NUP98: variants seen among roughly 807,000 people sequenced by gnomAD.
The protein encoded by NUP98 is nucleoporin 98 and 96 precursor.
A neutral mutation model predicts 191.9 loss-of-function variants in NUP98; 26 were observed. The observed-to-expected ratio is 0.14, with a 90% CI of 0.10 to 0.19. NUP98 has a LOEUF of 0.19. NUP98 is among the 10% of genes least tolerant of loss of function. The pLI is 1.00. For missense variants in NUP98, 1,941 were observed against 2,178.8 expected, an observed-to-expected ratio of 0.89 and a Z score of 2.17; for synonymous variants, 808 against 778.4, an observed-to-expected ratio of 1.04 and a Z score of -0.63.
chr11:3,786,152 C>A (rs983817625), intron 1 of NUP98, among the ~76,000 whole-genome samples: 1 of 152,146 alleles, frequency 6.6e-6, no homozygotes, highest in African/African-American at 2.4e-5. Flanking sequence ...TATCGTTGAC[C>A]CCAGCGGCCA....
chr11:3,774,546 G>GAAACC (rs1228543764), intron 5 of NUP98, among the ~76,000 whole-genome samples: 4 of 152,064 alleles, frequency 2.6e-5, no homozygotes, highest in African/African-American at 9.7e-5. Flanking sequence ...CCAACATGGT[G>GAAACC]AAACCCCATC....
At chr11:3,753,816 G>A (rs144740892) in intron 10 of NUP98, among the ~76,000 whole-genome samples, 232 of 130,290 alleles carry the variant, frequency 1.8e-3, no homozygotes, top group African/African-American at 6.2e-3. Context: ...GTGCGTGCCT[G>A]TAATCCCAGC....
chr11:3,714,101 G>A, intron 18 of NUP98, 106 bp from the exon 19 acceptor site: 1 of 1,129,838 alleles, frequency 8.9e-7, no homozygotes, highest in Non-Finnish European at 1.3e-6. Flanking sequence ...TAACTATGCT[G>A]CCTTGGAATT....
intron 20 of NUP98, among the ~76,000 whole-genome samples, chr11:3,708,131 G>A (rs1423209140): frequency 3.3e-5 from 5 of 152,078 alleles, no homozygotes; most frequent in South Asian, 2.1e-4. Context: ...AGGCCAGGTC[G>A]TGAAGGCTTG....
At chr11:3,761,691 G>A (rs2081175340) in intron 9 of NUP98, among the ~76,000 whole-genome samples, 4 of 152,194 alleles carry the variant, frequency 2.6e-5, no homozygotes, top group Non-Finnish European at 5.9e-5. Flanking sequence ...CCGGGAGGCA[G>A]AGGTTGCAGT....
chr11:3,718,161 G>A (rs561861783), intron 18 of NUP98, among the ~76,000 whole-genome samples: 3 of 152,206 alleles, frequency 2.0e-5, no homozygotes, highest in South Asian at 2.1e-4. Context: ...TTCTTTAAAC[G>A]CTTAGTAGAA....
chr11:3,717,003 A>G (rs77992314), intron 18 of NUP98, among the ~76,000 whole-genome samples: 43 of 152,112 alleles, frequency 2.8e-4, no homozygotes, highest in African/African-American at 1.0e-3. Context: ...CATTTTAACA[A>G]TATTAAGTTT....
chr11:3,758,864 A>G (rs78782772), intron 10 of NUP98, among the ~76,000 whole-genome samples: 2,386 of 152,298 alleles, frequency 0.016, 64 homozygotes, highest in African/African-American at 0.054. Context: ...CACTGCCTCA[A>G]AACGGTTGTT....
At chr11:3,678,800 C>T (rs1384437704) in intron 31 of NUP98, among the ~76,000 whole-genome samples, 1 of 152,016 alleles carries the variant, frequency 6.6e-6, no homozygotes, top group Non-Finnish European at 1.5e-5. Context: ...GCAGTGGAGA[C>T]TCATTTTACG....
intron 8 of NUP98, among the ~76,000 whole-genome samples, chr11:3,767,204 G>A (rs1044067465): frequency 5.3e-5 from 8 of 151,478 alleles, no homozygotes; most frequent in Non-Finnish European, 7.4e-5. Context: ...CTCATGATCC[G>A]CCCACCTCAG....
At chr11:3,794,338 C>G (rs1316991350) in intron 1 of NUP98, among the ~76,000 whole-genome samples, 1 of 151,940 alleles carries the variant, frequency 6.6e-6, no homozygotes, top group Admixed American at 6.6e-5. Flanking sequence ...TTCTTTTTTT[C>G]TTGAGTCAGA....
intron 22 of NUP98, among the ~76,000 whole-genome samples, chr11:3,704,985 G>A (rs2078816157): frequency 6.6e-6 from 1 of 152,228 alleles, no homozygotes; most frequent in Non-Finnish European, 1.5e-5. Flanking sequence ...TCCAGTCTGT[G>A]CAACAGAGAG....
chr11:3,727,967 G>T (rs2079686200), intron 14 of NUP98, among the ~76,000 whole-genome samples: 2 of 152,258 alleles, frequency 1.3e-5, no homozygotes, highest in South Asian at 4.2e-4. Context: ...GGTGCAGTGA[G>T]CTATGACAGC....
chr11:3,775,549 TA>T (rs2081687780), intron 5 of NUP98, among the ~76,000 whole-genome samples: 1 of 137,180 alleles, frequency 7.3e-6, no homozygotes, highest in African/African-American at 2.8e-5. Context: ...AAAAACAAAA[TA>T]ACAAAAAAAA....
intron 1 of NUP98, among the ~76,000 whole-genome samples, chr11:3,788,902 GTGCCACT>G (rs2082238228): frequency 6.6e-6 from 1 of 152,050 alleles, no homozygotes; most frequent in African/African-American, 2.4e-5. Context: ...AGCCGAGATC[GTGCCACT>G]GCACTCCAGC....
intron 31 of NUP98, among the ~76,000 whole-genome samples, chr11:3,676,930 G>C (rs554256020): frequency 1.3e-5 from 2 of 152,288 alleles, no homozygotes; most frequent in South Asian, 4.1e-4. Flanking sequence ...GAGATGGTAT[G>C]ACTTCTAAAG....
Position 3,744,558 on chromosome 11 carries a change from A to G in NUP98, c.1359T>C (p.Phe453=), listed in dbSNP as rs116722638. 5.1e-4 allele frequency: 823 copies of G among 1,613,898 alleles called. 6 individuals are homozygous for G. In the African/African-American group the frequency reaches 0.01, roughly 20 times the overall value. ...AGCCCAAAGTGGCTGTCGTAGTATT[A>G]AATCCAGGGGCCCCAAAGGCTCCTG... ...LGTGAFGAPG[F]NTTTATLGFG... The change falls in exon 12 of 33, where the codon TTT becomes TTC. Residue 453 remains phenylalanine (F), a synonymous_variant. Transcript: ENST00000324932.
intron 1 of NUP98, among the ~76,000 whole-genome samples, chr11:3,785,545 G>A (rs1478079603): frequency 2.0e-5 from 3 of 152,156 alleles, no homozygotes; most frequent in African/African-American, 7.2e-5. Flanking sequence ...GATCACTTGA[G>A]GCCAAGAGTT....
In NUP98 at chr11:3,779,057, G is replaced by A; in HGVS notation, c.179-8C>T. ...TGGTTCCAAACAATCCTCCTGAGGA[G>A]ATGGAGAAGGAGGGAAAAAGTTAAG... On this transcript the variant is annotated splice_polypyrimidine_tract_variant and splice_region_variant and intron_variant, in intron 3 of 32. Transcript: ENST00000324932. 2 of 1,614,090 alleles carry A rather than the reference G, an allele frequency of 1.2e-6. No individual in the cohort carries two copies. The highest frequency in any genetic ancestry group is 2.2e-5 in the East Asian group (1 of 44,876).
Sources: allele counts gnomAD v4.1 joint callset (sites outside exome capture counted in the v4.1 genomes callset), GRCh38; gene constraint gnomAD v4.1.1; transcripts MANE v1.5; gene names NCBI Gene and HGNC (gene_info 2026-07-23, HGNC 2026-07-21).